NAF1: variants seen among roughly 807,000 people sequenced by gnomAD.
The protein encoded by NAF1 is nuclear assembly factor 1 ribonucleoprotein.
NAF1 carries 11 observed loss-of-function variants against 40.6 expected under a neutral mutation model. The ratio of observed to expected loss-of-function variants is 0.27; its 90% confidence interval spans 0.17 to 0.45. NAF1 has a LOEUF of 0.45. NAF1 is among the 20% of genes least tolerant of loss of function. The pLI, the probability that NAF1 is intolerant of heterozygous loss-of-function variation, is 1.00. For missense variants in NAF1, 607 were observed against 611.1 expected, an observed-to-expected ratio of 0.99 and a Z score of 0.07; for synonymous variants, 260 against 228.5, an observed-to-expected ratio of 1.14 and a Z score of -1.24.
chr4:163,112,130 TA>T (rs981148541), intron 2 of NAF1, among the ~76,000 whole-genome samples: 1 of 150,200 alleles, frequency 6.7e-6, no homozygotes, highest in African/African-American at 2.5e-5. Context: ...AAAGCAAGGA[TA>T]AAAAAAATAA....
chr4:163,139,175 G>A (rs1431998192), intron 5 of NAF1, among the ~76,000 whole-genome samples: 2 of 152,062 alleles, frequency 1.3e-5, no homozygotes, highest in Non-Finnish European at 2.9e-5. Flanking sequence ...CCATGCAACT[G>A]GGGTTGGTAC....
intron 4 of NAF1, among the ~76,000 whole-genome samples, chr4:163,141,748 T>C (rs1348922307): frequency 2.0e-5 from 3 of 152,246 alleles, no homozygotes; most frequent in Non-Finnish European, 2.9e-5. Context: ...ATAAAAGTTT[T>C]AATGGAAATT....
chr4:163,150,538 A>T (rs949992006), intron 2 of NAF1, among the ~76,000 whole-genome samples: 17 of 152,070 alleles, frequency 1.1e-4, no homozygotes, highest in African/African-American at 3.6e-4. Context: ...ACAAACAAAA[A>T]CATATATCTA....
At chr4:163,153,502 CTG>C (rs1208517475) in intron 2 of NAF1, among the ~76,000 whole-genome samples, 5 of 151,700 alleles carry the variant, frequency 3.3e-5, no homozygotes, top group African/African-American at 1.2e-4. Context: ...AATCGGCACT[CTG>C]TATCTAGCTC....
At chr4:163,166,051 C>T (rs1732446121) in intron 1 of NAF1, among the ~76,000 whole-genome samples, 1 of 152,100 alleles carries the variant, frequency 6.6e-6, no homozygotes, top group Non-Finnish European at 1.5e-5. Flanking sequence ...TGAGTAGTTA[C>T]GGAAATAACC....
chr4:163,124,838 T>C (rs1349046097), downstream of NAF1, among the ~76,000 whole-genome samples: 1 of 152,238 alleles, frequency 6.6e-6, no homozygotes, highest in Admixed American at 6.5e-5. Flanking sequence ...CTATACTTCA[T>C]ATATATTGCA....
intron 2 of NAF1, among the ~76,000 whole-genome samples, chr4:163,119,114 C>T (rs1252581281): frequency 2.0e-5 from 3 of 152,182 alleles, no homozygotes; most frequent in Non-Finnish European, 4.4e-5. Context: ...TCTCTCCTTC[C>T]AGAAACCTCT....
At chr4:163,105,899 A>C (rs1730041623), downstream of NAF1, among the ~76,000 whole-genome samples, 4 of 152,348 alleles carry the variant, frequency 2.6e-5, no homozygotes, top group South Asian at 8.3e-4. Flanking sequence ...AATTAGGCTT[A>C]AGTTATGATT....
At chr4:163,107,978 G>A (rs1034252993), downstream of NAF1, among the ~76,000 whole-genome samples, 4 of 152,142 alleles carry the variant, frequency 2.6e-5, no homozygotes, top group African/African-American at 9.7e-5. Context: ...TACAGGAATT[G>A]AAACATCAGA....
intron 4 of NAF1, among the ~76,000 whole-genome samples, chr4:163,143,078 A>C (rs1001527316): frequency 6.6e-6 from 1 of 152,214 alleles, no homozygotes; most frequent in Non-Finnish European, 1.5e-5. Flanking sequence ...AGCTTTCTTT[A>C]TATCTTTAAA....
chr4:163,117,256 A>C (rs1298709015), intron 2 of NAF1, among the ~76,000 whole-genome samples: 1 of 152,208 alleles, frequency 6.6e-6, no homozygotes, highest in Non-Finnish European at 1.5e-5. Context: ...TGTTCCCACC[A>C]TACCTTGTAC....
In NAF1 at chr4:163,140,288, C is replaced by T; in HGVS notation, c.813G>A (p.Glu271=). 6.2e-7 allele frequency: 1 copy of T among 1,606,862 alleles called. No homozygotes were observed. The highest frequency in any genetic ancestry group is 8.5e-7 in the Non-Finnish European group (1 of 1,176,330). Residue 271 remains glutamate, a synonymous_variant, in exon 5 of 8, where the codon GAG becomes GAA. Transcript: ENST00000274054. ...TCATTGATGGAGCAAAATACATAGT[C>T]TCCTTTATTTTAATACCTTTACTCT... ...HIESKGIKIK[E]TMYFAPSMKD... is the part of the protein sequence containing the mutation.
At chr4:163,161,513 A>G (rs1732221649) in intron 2 of NAF1, among the ~76,000 whole-genome samples, 2 of 152,154 alleles carry the variant, frequency 1.3e-5, no homozygotes, top group Non-Finnish European at 2.9e-5. Flanking sequence ...ATCTATAGAT[A>G]AACAGAGGAA....
At chr4:163,151,182 A>C (rs981497258) in intron 2 of NAF1, among the ~76,000 whole-genome samples, 1 of 151,818 alleles carries the variant, frequency 6.6e-6, no homozygotes, top group African/African-American at 2.4e-5. Context: ...CCCTTACCCC[A>C]CAGCATGTTT....
At chr4:163,155,889 A>G (rs2111024619) in intron 2 of NAF1, among the ~76,000 whole-genome samples, 1 of 151,730 alleles carries the variant, frequency 6.6e-6, no homozygotes, top group Non-Finnish European at 1.5e-5. Flanking sequence ...CAGAAGATAC[A>G]AAGAATTAGA....
intron 4 of NAF1, chr4:163,141,918 TAA>T: frequency 1.0e-6 from 1 of 979,646 alleles, no homozygotes; most frequent in Non-Finnish European, 1.2e-6. Context: ...CATTAAGGCG[TAA>T]AACAGCTCAC....
rs959917648 is a variant in NAF1 at position 163,129,131 on chromosome 4, G to C, written c.1251C>G (p.Pro417=). The change falls in exon 8 of 8, where the codon CCC becomes CCG. Residue 417 remains proline (P), a synonymous_variant. Coordinates refer to ENST00000274054, the MANE Select transcript of NAF1 (RefSeq NM_138386.3). ...GAGGAAAGGGGTATTGTGGCATAAT[G>C]GGATTATTTTGTCTCTGAGAAGGAA... ...SGFPSQRQNN[P]IMPQYPFPLP... 5.0e-6 allele frequency: 8 copies of C among 1,613,742 alleles called. No individual in the cohort carries two copies. The highest frequency in any genetic ancestry group is 6.8e-6 in the Non-Finnish European group (8 of 1,179,716).
chr4:163,129,956 A>AT (rs1730806196), intron 7 of NAF1, among the ~76,000 whole-genome samples: 1 of 152,198 alleles, frequency 6.6e-6, no homozygotes, highest in Non-Finnish European at 1.5e-5. Flanking sequence ...CCTACCAGGC[A>AT]TAAGACCTCG....
chr4:163,138,996 T>C (rs902501707), intron 5 of NAF1, among the ~76,000 whole-genome samples: 1 of 152,124 alleles, frequency 6.6e-6, no homozygotes, highest in Non-Finnish European at 1.5e-5. Flanking sequence ...AATAACCTTA[T>C]GCAATGTGAA....
Sources: gnomAD v4.1 joint callset for allele counts (sites outside exome capture counted in the v4.1 genomes callset) on GRCh38, gnomAD v4.1.1 for gene constraint, MANE v1.5 for transcripts, NCBI Gene and HGNC (gene_info 2026-07-23, HGNC 2026-07-21) for gene names.